Variants in ETV6 observed in about 807,000 individuals in gnomAD.
The protein encoded by ETV6 is ETS variant transcription factor 6.
In ETV6, 16 loss-of-function variants were observed where a neutral mutation model predicts 51.1. That is an observed-to-expected ratio of 0.31 (90% CI 0.21 to 0.48). The LOEUF (loss-of-function observed/expected upper bound fraction) is 0.48, where lower values mean the gene tolerates loss of function less well. Ranked by LOEUF, ETV6 falls within the 20% of genes least tolerant of loss-of-function variation. The pLI is 0.99. For synonymous variants in ETV6, 240 were observed against 224.1 expected (o/e 1.07, Z -0.64); for missense variants, 458 against 594.8 (o/e 0.77, Z 2.39).
chr12:11,884,351 C>T (rs1947154947), intron 5 of ETV6, 94 bp from the exon 6 acceptor site: 2 of 1,383,552 alleles, frequency 1.4e-6, no homozygotes, highest in Non-Finnish European at 2.0e-6. Flanking sequence ...CCAAGCTAGG[C>T]AGAAGCAGTT....
rs1046714099 is a variant in ETV6 at position 11,667,992 on chromosome 12, G to A, written c.33+17832G>A. On this transcript the variant is annotated intron_variant, in intron 1 of 7. Transcript: ENST00000396373. ...TGGGATTACAGCCGTGAGCCACCACGCCCAGCCAATTTTTAAATTTTTTGT... is the reference window on the plus strand; with the variant it reads ...TGGGATTACAGCCGTGAGCCACCACACCCAGCCAATTTTTAAATTTTTTGT... 3.9e-5 allele frequency among the ~76,000 whole-genome samples: 6 copies of A among 151,920 alleles called. No homozygotes were observed. In the South Asian group the frequency reaches 1.0e-3, roughly 26 times the overall value.
chr12:11,873,196 T>C (rs937117073), intron 5 of ETV6, among the ~76,000 whole-genome samples: 1 of 152,210 alleles, frequency 6.6e-6, no homozygotes, highest in African/African-American at 2.4e-5. Flanking sequence ...CCGAAGAAGG[T>C]AGGACTGAAT....
chr12:11,879,881 G>C (rs890719228), intron 5 of ETV6, among the ~76,000 whole-genome samples: 1 of 152,050 alleles, frequency 6.6e-6, no homozygotes, highest in South Asian at 2.1e-4. Flanking sequence ...CATTGTATCT[G>C]TGCAGGCATG....
At chr12:11,793,254 C>A (rs879764069) in intron 2 of ETV6, among the ~76,000 whole-genome samples, 2 of 152,184 alleles carry the variant, frequency 1.3e-5, no homozygotes, top group African/African-American at 4.8e-5. Flanking sequence ...CCCAAGAGCC[C>A]TTTGAGAAGT....
intron 2 of ETV6, among the ~76,000 whole-genome samples, chr12:11,754,890 A>G (rs1944985301): frequency 6.6e-6 from 1 of 152,226 alleles, no homozygotes; most frequent in African/African-American, 2.4e-5. Context: ...CATTCTCACA[A>G]TACCTGTCAG....
chr12:11,852,740 A>C (rs1946576475), intron 3 of ETV6, among the ~76,000 whole-genome samples: 1 of 152,266 alleles, frequency 6.6e-6, no homozygotes, highest in African/African-American at 2.4e-5. Flanking sequence ...GAAAATGTTC[A>C]AAACCTAATG....
intron 2 of ETV6, among the ~76,000 whole-genome samples, chr12:11,787,529 G>A (rs1472469541): frequency 1.3e-5 from 2 of 151,938 alleles, no homozygotes; most frequent in African/African-American, 4.8e-5. Flanking sequence ...CCATTATATG[G>A]GTAACATTTC....
Position 11,853,457 on chromosome 12 carries a change from T to C in ETV6, c.359T>C (p.Ile120Thr). The change falls in exon 4 of 8, where the codon ATT becomes ACT. Residue 120 changes from isoleucine (I) to threonine (T), a missense_variant. By Grantham distance (89) the Ile-to-Thr change is moderately conservative. Transcript: ENST00000396373. ...GDVLYELLQHILKQRKPRILF... is the reference protein window; with the variant it reads ...GDVLYELLQHTLKQRKPRILF... ...GTGCTCTATGAACTCCTTCAGCATA[T>C]TCTGAAGCAGAGGAAACCTCGGATT... 1.2e-6 allele frequency: 2 copies of C among 1,614,236 alleles called. No homozygotes were observed. The highest frequency in any genetic ancestry group is 1.7e-6 in the Non-Finnish European group (2 of 1,180,034).
chr12:11,813,887 A>C (rs1312553244), intron 2 of ETV6, among the ~76,000 whole-genome samples: 1 of 152,258 alleles, frequency 6.6e-6, no homozygotes, highest in Non-Finnish European at 1.5e-5. Flanking sequence ...GTACACATGC[A>C]AAATGAAAAC....
chr12:11,855,070 C>T (rs558653983), intron 4 of ETV6, among the ~76,000 whole-genome samples: 7 of 149,792 alleles, frequency 4.7e-5, no homozygotes, highest in Non-Finnish European at 7.4e-5. Flanking sequence ...CCGAGGCGGG[C>T]GGATCACGAG....
chr12:11,673,505 A>G (rs1864358840), intron 1 of ETV6, among the ~76,000 whole-genome samples: 1 of 152,250 alleles, frequency 6.6e-6, no homozygotes, highest in South Asian at 2.1e-4. Flanking sequence ...ATGAAAAAGC[A>G]GTAAAGTCAG....
At chr12:11,805,161 T>C (rs1945811241) in intron 2 of ETV6, among the ~76,000 whole-genome samples, 1 of 152,192 alleles carries the variant, frequency 6.6e-6, no homozygotes, top group South Asian at 2.1e-4. Flanking sequence ...CCTGCCTGCC[T>C]TCAGAGGCAC....
At chr12:11,792,773 CAATT>C (rs1039730345) in intron 2 of ETV6, among the ~76,000 whole-genome samples, 6 of 151,676 alleles carry the variant, frequency 4.0e-5, no homozygotes, top group African/African-American at 7.3e-5. Flanking sequence ...TAAAACCAAA[CAATT>C]CTTATTTGCA....
At chr12:11,708,454 A>G (rs930861429) in intron 1 of ETV6, among the ~76,000 whole-genome samples, 23 of 152,136 alleles carry the variant, frequency 1.5e-4, no homozygotes, top group African/African-American at 5.6e-4. Context: ...TCTTAAGGAA[A>G]CTTGGAGCTG....
chr12:11,701,640 A>G (rs1351585371), intron 1 of ETV6, among the ~76,000 whole-genome samples: 1 of 152,174 alleles, frequency 6.6e-6, no homozygotes, highest in Non-Finnish European at 1.5e-5. Context: ...AACTGAGGCT[A>G]TTAATGTTCG....
At chr12:11,676,634 A>C (rs979031170) in intron 1 of ETV6, among the ~76,000 whole-genome samples, 7 of 152,018 alleles carry the variant, frequency 4.6e-5, no homozygotes, top group Non-Finnish European at 1.0e-4. Flanking sequence ...GAACTCCTCA[A>C]ATCTGGATGA....
intron 4 of ETV6, among the ~76,000 whole-genome samples, chr12:11,867,268 C>CATAAATA (rs1946802640): frequency 6.6e-6 from 1 of 152,304 alleles, no homozygotes; most frequent in Admixed American, 6.5e-5. Context: ...GGTGGCAGAT[C>CATAAATA]ATAAATACTT....
At chr12:11,855,080 G>A (rs1295659954) in intron 4 of ETV6, among the ~76,000 whole-genome samples, 1 of 151,434 alleles carries the variant, frequency 6.6e-6, no homozygotes, top group Non-Finnish European at 1.5e-5. Context: ...CGGATCACGA[G>A]GTCAGGAGAT....
chr12:11,853,344 C>T, intron 3 of ETV6, 83 bp from the exon 4 acceptor site: 1 of 1,546,352 alleles, frequency 6.5e-7, no homozygotes, highest in Admixed American at 1.7e-5. Flanking sequence ...GGCACCGTGC[C>T]AGGCACTTAG....
Sources: allele counts gnomAD v4.1 joint callset (sites outside exome capture counted in the v4.1 genomes callset), GRCh38; gene constraint gnomAD v4.1.1; transcripts MANE v1.5; gene names NCBI Gene and HGNC (gene_info 2026-07-23, HGNC 2026-07-21).